The following GNG12 variants were observed in gnomAD, a reference collection of about 807,000 sequenced individuals.
The protein encoded by GNG12 is guanine nucleotide-binding protein G(I)/G(S)/G(O) subunit gamma-12.
For synonymous variants in GNG12, 28 were observed against 29.7 expected (o/e 0.94, Z 0.19); for missense variants, 69 against 83.8 (o/e 0.82, Z 0.69).
At chr1:67,708,177 C>T (rs1268261037) in intron 2 of GNG12, among the ~76,000 whole-genome samples, 1 of 152,186 alleles carries the variant, frequency 6.6e-6, no homozygotes, top group Admixed American at 6.5e-5. Context: ...TGATCAAAGA[C>T]TTGGCAACAG....
chr1:67,781,821 G>A (rs1646739200), intron 1 of GNG12, among the ~76,000 whole-genome samples: 1 of 152,070 alleles, frequency 6.6e-6, no homozygotes. Context: ...ATTTACTCAG[G>A]GAGAAAACAG....
chr1:67,774,088 C>T (rs755369272), intron 2 of GNG12, among the ~76,000 whole-genome samples: 11 of 152,148 alleles, frequency 7.2e-5, no homozygotes, highest in Non-Finnish European at 1.3e-4. Context: ...TTTATGAGTA[C>T]TCTGAAGACA....
intron 1 of GNG12, among the ~76,000 whole-genome samples, chr1:67,819,105 G>A (rs1646971248): frequency 6.6e-6 from 1 of 152,142 alleles, no homozygotes; most frequent in African/African-American, 2.4e-5. Flanking sequence ...ATCCAGGTGA[G>A]AGGCATGGGG....
chr1:67,798,352 C>G (rs538488050), intron 1 of GNG12, among the ~76,000 whole-genome samples: 16 of 152,160 alleles, frequency 1.1e-4, no homozygotes, highest in Admixed American at 2.0e-4. Context: ...TGAGGTGGAA[C>G]AGTTTCATCC....
At chr1:67,784,320 G>C (rs1184886742) in intron 1 of GNG12, among the ~76,000 whole-genome samples, 1 of 118,054 alleles carries the variant, frequency 8.5e-6, no homozygotes, top group Non-Finnish European at 1.7e-5. Flanking sequence ...CTGTTGTGGG[G>C]TGGGGGGAGG....
chr1:67,753,583 C>T (rs924933489), intron 2 of GNG12, among the ~76,000 whole-genome samples: 4 of 152,150 alleles, frequency 2.6e-5, no homozygotes, highest in Non-Finnish European at 4.4e-5. Flanking sequence ...ATCAGCTGTT[C>T]GCATGCACCT....
At chr1:67,766,984 C>T (rs958721363) in intron 2 of GNG12, among the ~76,000 whole-genome samples, 1 of 152,196 alleles carries the variant, frequency 6.6e-6, no homozygotes, top group African/African-American at 2.4e-5. Context: ...CCATACAAGG[C>T]AGAAGGCTCA....
At chr1:67,780,114 T>C (rs1232535034) in intron 1 of GNG12, among the ~76,000 whole-genome samples, 1 of 152,248 alleles carries the variant, frequency 6.6e-6, no homozygotes, top group Non-Finnish European at 1.5e-5. Context: ...CATATGACTG[T>C]ACTATTGGTA....
chr1:67,821,437 T>C (rs957643492), intron 1 of GNG12, among the ~76,000 whole-genome samples: 2 of 152,196 alleles, frequency 1.3e-5, no homozygotes, highest in African/African-American at 4.8e-5. Context: ...GGGAGATCTC[T>C]AGGAGTCGAG....
chr1:67,716,232 C>T (rs1646324658), intron 2 of GNG12, among the ~76,000 whole-genome samples: 1 of 152,120 alleles, frequency 6.6e-6, no homozygotes, highest in Non-Finnish European at 1.5e-5. Context: ...ATGAGAACAC[C>T]TCTCTCTGAA....
At chr1:67,721,816 C>A (rs764024589) in intron 2 of GNG12, among the ~76,000 whole-genome samples, 5 of 152,164 alleles carry the variant, frequency 3.3e-5, no homozygotes, top group Non-Finnish European at 7.3e-5. Context: ...TAAACCCAGA[C>A]AACTTGTAAT....
chr1:67,752,115 A>G (rs1021866523), intron 2 of GNG12, among the ~76,000 whole-genome samples: 5 of 152,242 alleles, frequency 3.3e-5, no homozygotes, highest in African/African-American at 1.2e-4. Flanking sequence ...TTTAATGAGA[A>G]GTTCTGATAA....
rs540058562 is a variant in GNG12, at chr1:67,736,266, G to A, written c.-26-28554C>T. Among the ~76,000 whole-genome samples, 10 of 152,146 alleles carry A rather than the reference G, an allele frequency of 6.6e-5. No homozygotes were observed. The South Asian group carries it at 1.9e-3, about 28-fold the overall frequency. On this transcript the variant is annotated intron_variant, in intron 2 of 3. Transcript: ENST00000370982. ...CTTCTTCCGGTTGTGCCTGCCAAGC[G>A]TGAGAGTGTACAACAACCAAAGCAA...
chr1:67,817,198 C>T (rs529152517), intron 1 of GNG12, among the ~76,000 whole-genome samples: 2 of 152,180 alleles, frequency 1.3e-5, no homozygotes, highest in South Asian at 2.1e-4. Context: ...TACTGGGAAC[C>T]CAGACAGCAG....
chr1:67,810,368 G>A (rs570535101), intron 1 of GNG12, among the ~76,000 whole-genome samples: 2 of 152,132 alleles, frequency 1.3e-5, no homozygotes, highest in Non-Finnish European at 2.9e-5. Flanking sequence ...TCCATAGAAT[G>A]TAGAACACCA....
chr1:67,819,064 G>A (rs1030463366), intron 1 of GNG12, among the ~76,000 whole-genome samples: 5 of 152,108 alleles, frequency 3.3e-5, no homozygotes, highest in African/African-American at 1.2e-4. Context: ...CAGTGTGCAG[G>A]GTAAAGGTCA....
intron 2 of GNG12, among the ~76,000 whole-genome samples, chr1:67,709,960 AG>A (rs1646276780): frequency 2.1e-5 from 1 of 48,438 alleles, no homozygotes; most frequent in African/African-American, 7.1e-5. Flanking sequence ...TTATATATAT[AG>A]TTATATATAT....
chr1:67,736,112 A>G (rs1229438626), intron 2 of GNG12, among the ~76,000 whole-genome samples: 1 of 152,090 alleles, frequency 6.6e-6, no homozygotes, highest in Non-Finnish European at 1.5e-5. Context: ...TCCTGTTCCC[A>G]TCTTATGAAG....
rs190105590 is a variant in GNG12, at chr1:67,785,778, C to T, written c.-76-8271G>A. Reference sequence around the variant, plus strand: ...TCTAATGCATTCTTAGGCTGGAAGTCTGCATTAGCCAAACGATACTAAACT... The same window carrying T: ...TCTAATGCATTCTTAGGCTGGAAGTTTGCATTAGCCAAACGATACTAAACT... On this transcript the variant is annotated intron_variant, in intron 1 of 3. Transcript: ENST00000370982. 1.0e-3 allele frequency among the ~76,000 whole-genome samples: 158 copies of T among 152,326 alleles called. 1 individual carries two copies. Among genetic ancestry groups the T allele is most frequent in the African/African-American group, 3.7e-3 (152 of 41,574 alleles).
Sources: gnomAD v4.1 joint callset for allele counts (sites outside exome capture counted in the v4.1 genomes callset) on GRCh38, gnomAD v4.1.1 for gene constraint, MANE v1.5 for transcripts, NCBI Gene and HGNC (gene_info 2026-07-23, HGNC 2026-07-21) for gene names.